DTNB: variants seen among roughly 807,000 people sequenced by gnomAD.
The protein encoded by DTNB is DTN-B.
A neutral mutation model predicts 90.7 loss-of-function variants in DTNB; 63 were observed. That is an observed-to-expected ratio of 0.69 (90% CI 0.57 to 0.86). The LOEUF is 0.86. Among genes scored for constraint, DTNB ranks in the 40% least tolerant of loss-of-function variants. The pLI, the probability that DTNB is intolerant of heterozygous loss-of-function variation, is 0.00. For missense variants in DTNB, 744 were observed against 807.1 expected (o/e 0.92, Z 0.95); for synonymous variants, 277 against 286.7 (o/e 0.97, Z 0.34).
chr2:25,532,178 G>A (rs1369526944), intron 8 of DTNB, among the ~76,000 whole-genome samples: 4 of 150,552 alleles, frequency 2.7e-5, no homozygotes, highest in African/African-American at 9.8e-5. Flanking sequence ...CTGGGAGGCG[G>A]AGGTTGCAGT....
At chr2:25,455,592 T>TA (rs2059905036) in intron 10 of DTNB, 98 bp from the exon 11 acceptor site, 25 of 963,418 alleles carry the variant, frequency 2.6e-5, no homozygotes, top group Middle Eastern at 4.3e-4. Context: ...AAGAAAAATT[T>TA]AAAAAATAAT....
intron 10 of DTNB, among the ~76,000 whole-genome samples, chr2:25,476,059 GAAGTA>G (rs2063682895): frequency 7.3e-6 from 1 of 137,020 alleles, no homozygotes; most frequent in Non-Finnish European, 1.5e-5. Flanking sequence ...CCTGGATCAA[GAAGTA>G]ATTTTTTTTT....
chr2:25,646,138 C>CGT (rs1294508299), intron 2 of DTNB, among the ~76,000 whole-genome samples: 1 of 152,072 alleles, frequency 6.6e-6, no homozygotes, highest in Non-Finnish European at 1.5e-5. Context: ...CATGCCTCAC[C>CGT]GTACCTCTCG....
intron 18 of DTNB, among the ~76,000 whole-genome samples, chr2:25,386,765 G>A (rs1484658797): frequency 6.6e-6 from 1 of 152,198 alleles, no homozygotes; most frequent in African/African-American, 2.4e-5. Flanking sequence ...CAGAAGAGGC[G>A]ACAGACTCAG....
At chr2:25,616,922 A>G (rs2070794742) in intron 4 of DTNB, among the ~76,000 whole-genome samples, 1 of 91,388 alleles carries the variant, frequency 1.1e-5, no homozygotes, top group African/African-American at 4.4e-5. Flanking sequence ...ACAGAGCAAG[A>G]CCCCGTCTCA....
At chr2:25,583,362 A>T (rs2061855870) in intron 6 of DTNB, among the ~76,000 whole-genome samples, 5 of 151,722 alleles carry the variant, frequency 3.3e-5, no homozygotes, top group Admixed American at 2.6e-4. Context: ...AGTAGCGAAC[A>T]AAATTAAATG....
In DTNB at chr2:25,391,012, T is replaced by A. The variant is rs1291398965; in HGVS notation, c.1576-2651A>T. On this transcript the variant is annotated intron_variant, in intron 16 of 20. Coordinates refer to ENST00000406818, the MANE Select transcript of DTNB (RefSeq NM_021907.5). ...CCCGGGTTCACACCATTCTCCTGCCTCAGCCTCTTGACTAGCTGGGACTAC... is the reference window on the plus strand; with the variant it reads ...CCCGGGTTCACACCATTCTCCTGCCACAGCCTCTTGACTAGCTGGGACTAC... 4.0e-5 allele frequency among the ~76,000 whole-genome samples: 6 copies of A among 151,232 alleles called. No homozygotes were observed. In the East Asian group the frequency reaches 1.2e-3, roughly 30 times the overall value.
intron 12 of DTNB, among the ~76,000 whole-genome samples, chr2:25,438,833 T>G (rs2056652773): frequency 6.6e-6 from 1 of 152,190 alleles, no homozygotes; most frequent in Admixed American, 6.5e-5. Flanking sequence ...TGACAACTCA[T>G]GTTGATAGTA....
At chr2:25,454,889 C>T (rs1169538240) in intron 11 of DTNB, among the ~76,000 whole-genome samples, 1 of 152,132 alleles carries the variant, frequency 6.6e-6, no homozygotes, top group Non-Finnish European at 1.5e-5. Context: ...TGACCCAATA[C>T]CATTGTTGGG....
intron 1 of DTNB, among the ~76,000 whole-genome samples, chr2:25,672,534 C>G (rs1190630968): frequency 6.6e-6 from 1 of 152,134 alleles, no homozygotes; most frequent in Non-Finnish European, 1.5e-5. Context: ...AAAACTCTCC[C>G]AAATTTCTCC....
At chr2:25,580,984 C>T (rs898324163) in intron 6 of DTNB, among the ~76,000 whole-genome samples, 158 bp from the exon 7 acceptor site, 2 of 152,200 alleles carry the variant, frequency 1.3e-5, no homozygotes, top group African/African-American at 4.8e-5. Context: ...CTACTACATG[C>T]TGTACTTTAC....
intron 5 of DTNB, among the ~76,000 whole-genome samples, chr2:25,599,314 G>C (rs745865361): frequency 1.3e-5 from 2 of 151,272 alleles, no homozygotes; most frequent in Non-Finnish European, 2.9e-5. Context: ...ATTACACTTA[G>C]CTTTGAACAT....
chr2:25,522,439 T>C (rs2076319369), intron 9 of DTNB, among the ~76,000 whole-genome samples: 1 of 152,168 alleles, frequency 6.6e-6, no homozygotes, highest in Non-Finnish European at 1.5e-5. Context: ...GTATAATTCA[T>C]TCACTCAATA....
rs570304286 is a variant in DTNB at position 25,550,810 on chromosome 2, C to T, written c.877-19213G>A. Among the ~76,000 whole-genome samples, 5 of 152,204 alleles carry T rather than the reference C, an allele frequency of 3.3e-5. 1 individual carries two copies. The East Asian group carries it at 7.7e-4, about 24-fold the overall frequency. ...AACCACAGGCACGTGCCACCACACCCGGCTAATCTTTGTATTTTTAGTAGA... is the reference window on the plus strand; with the variant it reads ...AACCACAGGCACGTGCCACCACACCTGGCTAATCTTTGTATTTTTAGTAGA... On this transcript the variant is annotated intron_variant, in intron 8 of 20. Transcript: ENST00000406818.
chr2:25,535,036 A>AGTG (rs2079144762), intron 8 of DTNB, among the ~76,000 whole-genome samples: 1 of 83,564 alleles, frequency 1.2e-5, no homozygotes, highest in Admixed American at 1.2e-4. Flanking sequence ...CCAGACGAAG[A>AGTG]GCGGCCGGGC....
intron 10 of DTNB, among the ~76,000 whole-genome samples, chr2:25,462,705 A>G (rs1418041805): frequency 2.7e-5 from 4 of 147,726 alleles, no homozygotes; most frequent in African/African-American, 5.0e-5. Flanking sequence ...TACTCAGAAC[A>G]CTCTTTTTTT....
chr2:25,543,856 A>G (rs1402148602), intron 8 of DTNB, among the ~76,000 whole-genome samples: 3 of 152,166 alleles, frequency 2.0e-5, no homozygotes, highest in Non-Finnish European at 4.4e-5. Context: ...ATTTATTGAG[A>G]ACTTACTGTC....
At chr2:25,587,024 C>T (rs1439459420) in intron 6 of DTNB, among the ~76,000 whole-genome samples, 1 of 152,120 alleles carries the variant, frequency 6.6e-6, no homozygotes, top group Admixed American at 6.5e-5. Flanking sequence ...ACAGTGCAAC[C>T]CCATGGCCCT....
intron 12 of DTNB, among the ~76,000 whole-genome samples, chr2:25,438,743 G>A (rs1426101515): frequency 6.6e-6 from 1 of 152,184 alleles, no homozygotes; most frequent in Non-Finnish European, 1.5e-5. Flanking sequence ...AGTCTGTGTG[G>A]AAAGGAAAAG....
Sources: allele counts gnomAD v4.1 joint callset (sites outside exome capture counted in the v4.1 genomes callset), GRCh38; gene constraint gnomAD v4.1.1; transcripts MANE v1.5; gene names NCBI Gene and HGNC (gene_info 2026-07-23, HGNC 2026-07-21).